PRKN: variants seen among roughly 807,000 people sequenced by gnomAD.
PRKN encodes the protein E3 ubiquitin-protein ligase parkin.
In PRKN, 56 loss-of-function variants were observed where a neutral mutation model predicts 59.5. The observed-to-expected ratio is 0.94, with a 90% CI of 0.76 to 1.18. The LOEUF (loss-of-function observed/expected upper bound fraction) is 1.18, where lower values mean the gene tolerates loss of function less well. Ranked by LOEUF, PRKN falls within the 50% of genes most tolerant of loss-of-function variation. PRKN has a pLI of 0.00. For synonymous variants in PRKN, 250 were observed against 222.1 expected (o/e 1.13, Z -1.12); for missense variants, 657 against 596.4 (o/e 1.10, Z -1.06).
At chr6:162,195,103 G>C (rs188986899) in intron 4 of PRKN, among the ~76,000 whole-genome samples, 1 of 151,884 alleles carries the variant, frequency 6.6e-6, no homozygotes, top group Non-Finnish European at 1.5e-5. Context: ...AACCAGCTTC[G>C]CTGTAGATTT....
chr6:161,697,876 T>C (rs1786086212), intron 7 of PRKN, among the ~76,000 whole-genome samples: 1 of 152,192 alleles, frequency 6.6e-6, no homozygotes, highest in Non-Finnish European at 1.5e-5. Context: ...CCATTTTACA[T>C]TTTTATTTTT....
intron 7 of PRKN, among the ~76,000 whole-genome samples, chr6:161,573,615 G>A (rs1780981049): frequency 6.7e-6 from 1 of 148,302 alleles, no homozygotes; most frequent in Non-Finnish European, 1.5e-5. Flanking sequence ...AGCTACTCGG[G>A]AGGCTGAGGC....
At chr6:162,187,795 G>C (rs1011265069) in intron 4 of PRKN, among the ~76,000 whole-genome samples, 2 of 152,126 alleles carry the variant, frequency 1.3e-5, no homozygotes, top group African/African-American at 4.8e-5. Flanking sequence ...AACTCCTTTA[G>C]AGGAGACAAA....
At chr6:161,777,906 A>ACT (rs34016345) in intron 7 of PRKN, among the ~76,000 whole-genome samples, 49,253 of 144,278 alleles carry the variant, frequency 0.34, 8,755 homozygotes, top group South Asian at 0.44. Flanking sequence ...ATACATATAT[A>ACT]TGTGTATATA....
At chr6:161,978,749 G>A (rs1781147672) in intron 5 of PRKN, among the ~76,000 whole-genome samples, 1 of 152,270 alleles carries the variant, frequency 6.6e-6, no homozygotes, top group Non-Finnish European at 1.5e-5. Flanking sequence ...ATCTCCAGCT[G>A]TGCTGAGCGA....
chr6:161,698,155 A>T (rs1786099640), intron 7 of PRKN, among the ~76,000 whole-genome samples: 1 of 152,182 alleles, frequency 6.6e-6, no homozygotes, highest in Non-Finnish European at 1.5e-5. Context: ...CCTAAACTTC[A>T]AGTTACACTT....
chr6:161,770,398 C>A (rs775913298), intron 7 of PRKN, among the ~76,000 whole-genome samples: 9 of 151,512 alleles, frequency 5.9e-5, no homozygotes, highest in Non-Finnish European at 1.0e-4. Flanking sequence ...CAAATTCATA[C>A]ATTGAAGTTC....
At chr6:161,943,217 A>T (rs984491795) in intron 6 of PRKN, among the ~76,000 whole-genome samples, 1 of 152,212 alleles carries the variant, frequency 6.6e-6, no homozygotes, top group South Asian at 2.1e-4. Flanking sequence ...TCCTCCCAAC[A>T]TCTTGCCTTC....
At chr6:162,205,442 T>C (rs1016927656) in intron 3 of PRKN, among the ~76,000 whole-genome samples, 58 of 151,862 alleles carry the variant, frequency 3.8e-4, no homozygotes, top group African/African-American at 1.3e-3. Context: ...CTGATTCTAA[T>C]GGAAACTTTT....
At chr6:161,727,716 G>A (rs1277126484) in intron 7 of PRKN, among the ~76,000 whole-genome samples, 1 of 152,166 alleles carries the variant, frequency 6.6e-6, no homozygotes, top group Non-Finnish European at 1.5e-5. Context: ...TCAGAACACA[G>A]GACATTGCAT....
chr6:162,179,737 G>T (rs1041125035), intron 4 of PRKN, among the ~76,000 whole-genome samples: 2 of 152,128 alleles, frequency 1.3e-5, no homozygotes, highest in African/African-American at 4.8e-5. Flanking sequence ...CACCTACTTA[G>T]TTCCCTAGAG....
intron 7 of PRKN, among the ~76,000 whole-genome samples, chr6:161,590,836 T>TA (rs1460138769): frequency 1.3e-5 from 2 of 152,014 alleles, no homozygotes; most frequent in Admixed American, 6.6e-5. Flanking sequence ...CCTGCGCTCA[T>TA]AAAAAATTCC....
chr6:162,504,433 A>G (rs959466677), intron 1 of PRKN, among the ~76,000 whole-genome samples: 23 of 152,196 alleles, frequency 1.5e-4, no homozygotes, highest in African/African-American at 5.5e-4. Flanking sequence ...ATGTTATAAT[A>G]AAAGTAGTAA....
At chr6:162,008,099 T>C (rs896501215) in intron 5 of PRKN, among the ~76,000 whole-genome samples, 11 of 152,122 alleles carry the variant, frequency 7.2e-5, no homozygotes, top group South Asian at 2.1e-4. Flanking sequence ...GACCAAAAAA[T>C]TGAATTCCTC....
At chr6:162,309,103 G>A (rs1286932446) in intron 2 of PRKN, among the ~76,000 whole-genome samples, 4 of 152,026 alleles carry the variant, frequency 2.6e-5, no homozygotes, top group Admixed American at 2.0e-4. Context: ...ACCTTAAAAC[G>A]CAGGTGACAA....
intron 4 of PRKN, among the ~76,000 whole-genome samples, chr6:162,082,879 G>A (rs1562502185): frequency 6.6e-6 from 1 of 152,036 alleles, no homozygotes; most frequent in Non-Finnish European, 1.5e-5. Context: ...TCTCATATGG[G>A]TGTGGTTCAT....
chr6:161,749,217 T>C (rs1356651738), intron 7 of PRKN, among the ~76,000 whole-genome samples: 2 of 152,208 alleles, frequency 1.3e-5, no homozygotes, highest in South Asian at 4.1e-4. Context: ...CCTATTTCTC[T>C]GACAAGACTG....
intron 7 of PRKN, among the ~76,000 whole-genome samples, chr6:161,693,095 G>A (rs1785868284): frequency 6.6e-6 from 1 of 151,496 alleles, no homozygotes. Context: ...AAAAATAGAT[G>A]TCTTTAGAAT....
At chr6:161,708,342 T>C (rs568589225) in intron 7 of PRKN, among the ~76,000 whole-genome samples, 1 of 152,256 alleles carries the variant, frequency 6.6e-6, no homozygotes, top group South Asian at 2.1e-4. Context: ...TATAAAACTT[T>C]AATGTGAATT....
Sources: allele counts gnomAD v4.1 joint callset (sites outside exome capture counted in the v4.1 genomes callset), GRCh38; gene constraint gnomAD v4.1.1; transcripts MANE v1.5; gene names NCBI Gene and HGNC (gene_info 2026-07-23, HGNC 2026-07-21).